IRF2: variants seen among roughly 807,000 people sequenced by gnomAD.
The protein encoded by IRF2 is interferon regulatory factor 2.
IRF2 carries 15 observed loss-of-function variants against 40.6 expected under a neutral mutation model. The observed-to-expected ratio is 0.37, with a 90% CI of 0.25 to 0.57. IRF2 has a LOEUF of 0.57. Among genes scored for constraint, IRF2 ranks in the 20% least tolerant of loss-of-function variants. IRF2 has a pLI of 0.77. For missense variants in IRF2, 317 were observed against 455.7 expected, an observed-to-expected ratio of 0.70 and a Z score of 2.77; for synonymous variants, 151 against 165.5, an observed-to-expected ratio of 0.91 and a Z score of 0.67.
intron 2 of IRF2, 32 bp downstream of exon 2, chr4:184,428,946 T>TA (rs1443177590): frequency 6.4e-7 from 1 of 1,565,878 alleles, no homozygotes; most frequent in African/African-American, 1.3e-5. Context: ...CCAGGACCTC[T>TA]CTCACACATA....
chr4:184,435,640 G>A (rs1234796143), intron 1 of IRF2, among the ~76,000 whole-genome samples: 1 of 152,206 alleles, frequency 6.6e-6, no homozygotes, highest in Admixed American at 6.5e-5. Flanking sequence ...TCGTCCTAGC[G>A]CAGGGACAGC....
chr4:184,471,540 T>C (rs1739514439), intron 1 of IRF2, among the ~76,000 whole-genome samples: 1 of 152,244 alleles, frequency 6.6e-6, no homozygotes, highest in African/African-American at 2.4e-5. Flanking sequence ...CAGTGGTTTT[T>C]CACTATCAAA....
chr4:184,451,985 C>T (rs560163836), intron 1 of IRF2, among the ~76,000 whole-genome samples: 1 of 152,284 alleles, frequency 6.6e-6, no homozygotes, highest in South Asian at 2.1e-4. Flanking sequence ...AGGGTTGCAC[C>T]AATAAAAACA....
chr4:184,416,239 G>GC (rs1460643319), intron 5 of IRF2, among the ~76,000 whole-genome samples: 1 of 150,476 alleles, frequency 6.6e-6, no homozygotes, highest in Non-Finnish European at 1.5e-5. Flanking sequence ...GATCACCTGA[G>GC]CCCGGGAGGT....
At chr4:184,464,596 A>C (rs1306425532) in intron 1 of IRF2, among the ~76,000 whole-genome samples, 4 of 152,170 alleles carry the variant, frequency 2.6e-5, no homozygotes, top group Admixed American at 1.3e-4. Flanking sequence ...ATTTGTGTAC[A>C]TTAAATGCTC....
intron 2 of IRF2, among the ~76,000 whole-genome samples, chr4:184,422,765 T>A (rs371927607): frequency 3.5e-4 from 53 of 152,098 alleles, no homozygotes; most frequent in African/African-American, 1.2e-3. Context: ...CAGAGATCCA[T>A]AGAGACAGAG....
At chr4:184,452,430 C>T (rs1461144693) in intron 1 of IRF2, among the ~76,000 whole-genome samples, 1 of 152,184 alleles carries the variant, frequency 6.6e-6, no homozygotes, top group African/African-American at 2.4e-5. Flanking sequence ...ATCACAGCCT[C>T]TCTTTGCTCA....
At chr4:184,402,901 AG>A (rs1022904865) in intron 6 of IRF2, among the ~76,000 whole-genome samples, 1 of 152,192 alleles carries the variant, frequency 6.6e-6, no homozygotes, top group Non-Finnish European at 1.5e-5. Flanking sequence ...GTGCCTTAAA[AG>A]GGGTGAATTT....
At chr4:184,440,872 G>C (rs1738279228) in intron 1 of IRF2, among the ~76,000 whole-genome samples, 1 of 152,204 alleles carries the variant, frequency 6.6e-6, no homozygotes, top group Non-Finnish European at 1.5e-5. Context: ...GAGAGATACT[G>C]AGAGTGGTTT....
At chr4:184,433,526 A>G (rs1737966829) in intron 1 of IRF2, among the ~76,000 whole-genome samples, 1 of 152,264 alleles carries the variant, frequency 6.6e-6, no homozygotes, top group Non-Finnish European at 1.5e-5. Flanking sequence ...AGAAAAGTTC[A>G]CAATCTTCAA....
rs577849083 is a variant in IRF2, at chr4:184,408,325, C to T, written c.412-50G>A. ...ATTGAGAACACTTCCTTTCCCCTCC[C>T]TTCTCTTAGCTGAAATTCTACCCTC... On this transcript the variant is annotated intron_variant, in intron 5 of 8. Transcript: ENST00000393593. This position sits in a 1 kb window ranked among gnomAD's most constrained non-coding sequence, Gnocchi z 4.9. 10 of 1,127,580 alleles carry T rather than the reference C, an allele frequency of 8.9e-6. No homozygotes were observed. In the African/African-American group the frequency reaches 1.1e-4, roughly 12 times the overall value. 69.8% of individuals were successfully genotyped at this position (1,127,580 alleles called of 1,614,324 possible).
At chr4:184,418,474 C>G in intron 4 of IRF2, 58 bp downstream of exon 4, 1 of 1,486,738 alleles carries the variant, frequency 6.7e-7, no homozygotes, top group South Asian at 1.1e-5. Context: ...ATGAAGAGAT[C>G]ACGAAGGCAC....
chr4:184,439,353 TAA>T (rs373302317), intron 1 of IRF2, among the ~76,000 whole-genome samples: 8 of 136,724 alleles, frequency 5.9e-5, no homozygotes, highest in African/African-American at 1.9e-4. Flanking sequence ...CGGGGGTACT[TAA>T]AAAAAAAAAA....
intron 1 of IRF2, among the ~76,000 whole-genome samples, chr4:184,473,401 C>T (rs1473836536): frequency 6.8e-6 from 1 of 146,828 alleles, no homozygotes; most frequent in Non-Finnish European, 1.5e-5. Flanking sequence ...CTGCGGGGAC[C>T]CGGGGGCGCA....
At chr4:184,390,486 A>G (rs751495313) in intron 8 of IRF2, among the ~76,000 whole-genome samples, 1 of 152,158 alleles carries the variant, frequency 6.6e-6, no homozygotes, top group African/African-American at 2.4e-5. Flanking sequence ...GGTAACATTT[A>G]ACTCCCTTTC....
intron 2 of IRF2, among the ~76,000 whole-genome samples, chr4:184,419,972 A>T (rs986620615): frequency 1.3e-5 from 2 of 152,138 alleles, no homozygotes; most frequent in Non-Finnish European, 2.9e-5. Flanking sequence ...GGTTCAAGAG[A>T]TTCTCCCACC....
At position 184,418,192 on chromosome 4, in the gene IRF2, T is replaced by C; in HGVS notation, c.386A>G (p.Lys129Arg). ...SKKGKKPKTE[K>R]EDKVKHIKQE... ...CTTGATGTGCTTAACTTTGTCTTCT[T>C]TTTCTGTCTTTGGTTTCTTTCCTGT... is the stretch of plus-strand genomic sequence containing the variant. Residue 129 changes from lysine to arginine, a missense_variant, in exon 5 of 9, where the codon AAA (lysine) becomes AGA (arginine). By Grantham distance (26) the Lys-to-Arg change is conservative. Around this residue, in one of 2 missense-constraint regions of IRF2, gnomAD observed 262 missense variants for 334.0 expected, o/e 0.78. Coordinates refer to ENST00000393593, the MANE Select transcript of IRF2 (RefSeq NM_002199.4). The C allele has an allele frequency of 6.2e-7, 1 of 1,614,008 alleles. No individual in the cohort carries two copies. The highest frequency in any genetic ancestry group is 1.1e-5 in the South Asian group (1 of 91,068).
intron 6 of IRF2, 143 bp from the exon 7 acceptor site, chr4:184,399,222 G>T (rs776452465): frequency 1.2e-6 from 1 of 814,790 alleles, no homozygotes; most frequent in Non-Finnish European, 1.9e-6. Context: ...TGAAGAACAC[G>T]CCTGAGCTCT....
At position 184,441,797 on chromosome 4, in the gene IRF2, C is replaced by T. The variant is rs148262221; in HGVS notation, c.-6-12727G>A. Reference sequence around the variant, plus strand: ...CACCTGATTCACAGCATCCCAAGAACGTGGGTACTACTGTGGTCCCCATTT... The same window carrying T: ...CACCTGATTCACAGCATCCCAAGAATGTGGGTACTACTGTGGTCCCCATTT... On this transcript the variant is annotated intron_variant, in intron 1 of 8. Transcript: ENST00000393593. Among the ~76,000 whole-genome samples the T allele has an allele frequency of 1.7e-3, 252 of 152,328 alleles. 1 individual carries two copies. The highest frequency in any genetic ancestry group is 5.7e-3 in the African/African-American group (237 of 41,572).
Sources: gnomAD v4.1 joint callset for allele counts (sites outside exome capture counted in the v4.1 genomes callset) on GRCh38, gnomAD v4.1.1 for gene constraint, gnomAD v4.1.1 regional missense constraint, Gnocchi (gnomAD v3.1) non-coding constraint, MANE v1.5 for transcripts, NCBI Gene and HGNC (gene_info 2026-07-23, HGNC 2026-07-21) for gene names.